ITPKA: variants seen among roughly 807,000 people sequenced by gnomAD.
ITPKA encodes the protein IP3 3-kinase A.
A neutral mutation model predicts 40.7 loss-of-function variants in ITPKA; 16 were observed. The ratio of observed to expected loss-of-function variants is 0.39; its 90% CI spans 0.27 to 0.60. The LOEUF (loss-of-function observed/expected upper bound fraction) is 0.60, where lower values mean the gene tolerates loss of function less well. ITPKA is among the 20% of genes least tolerant of loss of function. The probability of loss-of-function intolerance (pLI) is 0.50; values close to 1 mark genes in which losing one functional copy is unlikely to be tolerated. For synonymous variants in ITPKA, 313 were observed against 289.9 expected (o/e 1.08, Z -0.81); for missense variants, 540 against 649.3 (o/e 0.83, Z 1.83).
In ITPKA at chr15:41,503,462, C is replaced by T. The variant is rs988848347; in HGVS notation, c.*296C>T. ...CTCTGCCCTCTCCAGAGGTGCCAGA[C>T]CGCGGATTTTATTTAGCAAGCCCAG... On this transcript the variant is annotated 3_prime_UTR_variant, in exon 7 of 7. Coordinates refer to ENST00000260386, the MANE Select transcript of ITPKA (RefSeq NM_002220.3). The T allele has an allele frequency of 3.2e-5, 20 of 626,276 alleles. No individual in the cohort carries two copies. Among genetic ancestry groups the T allele is most frequent in the Admixed American group, 2.4e-4 (12 of 49,144 alleles). 38.8% of individuals were successfully genotyped at this position (626,276 alleles called of 1,614,324 possible).
At position 41,503,340 on chromosome 15, in the gene ITPKA, C is replaced by T. The variant is rs950437480; in HGVS notation, c.*174C>T. ...GCACCGCCGATGCCAGGGGTTTTGC[C>T]CACCCGGGCCCCAGCGTTCCCAGAG... On this transcript the variant is annotated 3_prime_UTR_variant, in exon 7 of 7. Transcript: ENST00000260386. The T allele has an allele frequency of 1.6e-6, 1 of 609,820 alleles. No individual in the cohort carries two copies. The highest frequency in any genetic ancestry group is 2.0e-5 in the South Asian group (1 of 50,236). 37.8% of individuals were successfully genotyped at this position (609,820 alleles called of 1,614,324 possible).
At position 41,493,889 on chromosome 15, in the gene ITPKA, G is replaced by A. The variant is rs1267034387; in HGVS notation, c.-39G>A. 2.0e-6 allele frequency: 2 copies of A among 998,020 alleles called. No homozygotes were observed. The highest frequency in any genetic ancestry group is 2.4e-6 in the Non-Finnish European group (2 of 839,758). 61.8% of individuals were successfully genotyped at this position (998,020 alleles called of 1,614,324 possible). On this transcript the variant is annotated 5_prime_UTR_variant, in exon 1 of 7. Transcript: ENST00000260386. The stretch of plus-strand genomic sequence containing the variant: ...GAGCCGCTCCAGTCCCCGGCGCGCC[G>A]CGGGCTGGTGGGCTCAGCGGCGGCG...
rs1460806521 is a variant in ITPKA at position 41,502,715 on chromosome 15, GCTC to G, written c.1111-69_1111-67del. 7 of 1,384,102 alleles carry G rather than the reference GCTC, an allele frequency of 5.1e-6. No individual in the cohort carries two copies. The African/African-American group carries it at 1.0e-4, about 20-fold the overall frequency. The allele number at this position is 1,384,102 out of a possible 1,614,324, so 85.7% of individuals were successfully genotyped here. On this transcript the variant is annotated intron_variant, in intron 5 of 6. Transcript: ENST00000260386. ...TTTGCCAAGCACAGCGTGGGTCCCGGCTCCTCATCGTTAGCAGGGGCTCATTTG... is the reference window on the plus strand; with the variant it reads ...TTTGCCAAGCACAGCGTGGGTCCCGGCTCATCGTTAGCAGGGGCTCATTTG...
intron 1 of ITPKA, among the ~76,000 whole-genome samples, chr15:41,497,687 G>A (rs986609924): frequency 6.6e-6 from 1 of 152,176 alleles, no homozygotes; most frequent in Non-Finnish European, 1.5e-5. Context: ...GCAACCTCAG[G>A]TGGTAGGACG....
At chr15:41,500,210 C>T (rs1459736436) in intron 1 of ITPKA, among the ~76,000 whole-genome samples, 1 of 152,232 alleles carries the variant, frequency 6.6e-6, no homozygotes, top group Non-Finnish European at 1.5e-5. Flanking sequence ...CCGCCCACCT[C>T]AGTCTCCCAA....
In ITPKA at chr15:41,503,256, C is replaced by T; in HGVS notation, c.*90C>T. The T allele has an allele frequency of 2.0e-6, 2 of 1,002,550 alleles. No individual in the cohort carries two copies. The highest frequency in any genetic ancestry group is 2.9e-6 in the Non-Finnish European group (2 of 690,258). The allele number at this position is 1,002,550 out of a possible 1,614,324, so 62.1% of individuals were successfully genotyped here. A position where few individuals can be genotyped will look rare whatever the true frequency, so the allele number is the denominator to read the frequency against. On this transcript the variant is annotated 3_prime_UTR_variant, in exon 7 of 7. Coordinates refer to ENST00000260386, the MANE Select transcript of ITPKA (RefSeq NM_002220.3). ...TGCATGCCGGCTTGAGACTGGAGCC[C>T]CGCGGTGCAGGGCAGTTCACCGGGT...
At position 41,501,532 on chromosome 15, in the gene ITPKA, G is replaced by A. The variant is rs759196254; in HGVS notation, c.559G>A (p.Ala187Thr). ...CATAAGCCCTTTCAAGAAGCGCTAC[G>A]CCTGGGTGCAGCTGGCAGGGCACAC... ...PVISPFKKRY[A>T]WVQLAGHTGS... is the part of the protein sequence containing the mutation. Residue 187 changes from alanine to threonine, a missense_variant, in exon 2 of 7, where the codon GCC becomes ACC. Ala to Thr is a moderately conservative substitution (Grantham distance 58). Transcript: ENST00000260386. 1 of 1,608,104 alleles carries A rather than the reference G, an allele frequency of 6.2e-7. No homozygotes were observed. Among genetic ancestry groups the A allele is most frequent in the South Asian group, 1.1e-5 (1 of 90,284 alleles).
In ITPKA at chr15:41,501,772, G is replaced by T; in HGVS notation, c.724G>T (p.Gly242Cys). 6.2e-7 allele frequency: 1 copy of T among 1,613,096 alleles called. No homozygotes were observed. The highest frequency in any genetic ancestry group is 8.5e-7 in the Non-Finnish European group (1 of 1,179,856). Reference sequence around the variant, plus strand: ...CTTCCACGGCGTGGTGGAGCGCGACGGCGAAAGCTACCTGCAGCTGCAGGA... The same window carrying T: ...CTTCCACGGCGTGGTGGAGCGCGACTGCGAAAGCTACCTGCAGCTGCAGGA... Reference protein sequence around the residue: ...PAFHGVVERDGESYLQLQDLL... With the variant: ...PAFHGVVERDCESYLQLQDLL... The change falls in exon 3 of 7, where the codon GGC becomes TGC. Residue 242 changes from glycine (G) to cysteine (C), a missense_variant. By Grantham distance (159) the Gly-to-Cys change is radical. Transcript: ENST00000260386.
chr15:41,500,573 G>A (rs1006153236), intron 1 of ITPKA, among the ~76,000 whole-genome samples: 25 of 152,186 alleles, frequency 1.6e-4, no homozygotes, highest in African/African-American at 5.5e-4. Context: ...GGAGCTGGGC[G>A]CCTATCATGC....
rs200037888 is a variant in ITPKA at position 41,501,456 on chromosome 15, C to G, written c.490-7C>G. Reference sequence around the variant, plus strand: ...CGATTATCAGACCTTGACCCTGTCGCTTTCAGAAAAACCACTGGCAGAAGA... The same window carrying G: ...CGATTATCAGACCTTGACCCTGTCGGTTTCAGAAAAACCACTGGCAGAAGA... On this transcript the variant is annotated splice_polypyrimidine_tract_variant and splice_region_variant and intron_variant, in intron 1 of 6. Transcript: ENST00000260386. 6.2e-7 allele frequency: 1 copy of G among 1,605,684 alleles called. No individual in the cohort carries two copies. The highest frequency in any genetic ancestry group is 8.5e-7 in the Non-Finnish European group (1 of 1,176,452).
intron 1 of ITPKA, among the ~76,000 whole-genome samples, chr15:41,498,412 A>C (rs2051088851): frequency 6.6e-6 from 1 of 151,918 alleles, no homozygotes; most frequent in African/African-American, 2.4e-5. Flanking sequence ...AGGTCAAGAG[A>C]GTAGGTGATG....
Position 41,493,940 on chromosome 15 carries a change from G to T in ITPKA, c.13G>T (p.Gly5Trp). 2 of 1,026,852 alleles carry T rather than the reference G, an allele frequency of 1.9e-6. No homozygotes were observed. The highest frequency in any genetic ancestry group is 9.0e-5 in the South Asian group (2 of 22,248). The allele number at this position is 1,026,852 out of a possible 1,614,324, so 63.6% of individuals were successfully genotyped here. MTLP[G>W]GPTGMARPGG... ...CCGGCACTGGGAAATGACCCTGCCC[G>T]GGGGCCCAACGGGCATGGCGCGGCC... Residue 5 changes from glycine to tryptophan, a missense_variant, in exon 1 of 7, where the codon GGG (glycine) becomes TGG (tryptophan). Transcript: ENST00000260386.
In ITPKA at chr15:41,502,456, G is replaced by C. The variant is rs772110668; in HGVS notation, c.1063G>C (p.Val355Leu). The change falls in exon 5 of 7, where the codon GTG becomes CTG. Residue 355 changes from valine (V) to leucine (L), a missense_variant. Transcript: ENST00000260386. ...DFKTTRSREQ[V>L]LRVFEEFVQG... ...CAAGACTACGCGAAGCCGAGAGCAG[G>C]TGCTTCGCGTCTTTGAAGAGTTTGT... 10 of 1,603,608 alleles carry C rather than the reference G, an allele frequency of 6.2e-6. No individual in the cohort carries two copies. The highest frequency in any genetic ancestry group is 7.7e-6 in the Non-Finnish European group (9 of 1,171,158).
rs1183489890 is a variant in ITPKA, at chr15:41,503,009, C to T, written c.1229C>T (p.Ala410Val). 2 of 1,608,422 alleles carry T rather than the reference C, an allele frequency of 1.2e-6. No individual in the cohort carries two copies. The highest frequency in any genetic ancestry group is 2.2e-5 in the South Asian group (2 of 90,724). Residue 410 changes from alanine (A) to valine (V), a missense_variant, in exon 7 of 7, where the codon GCC becomes GTC. Ala to Val is a moderately conservative substitution (Grantham distance 64). Transcript: ENST00000260386. ...TTTGTGCACGATCACTGCCATCGCG[C>T]CGGCGTGTGGCTCATCGACTTCGGC... ...LLFVHDHCHR[A>V]GVWLIDFGKT... is the part of the protein sequence containing the mutation.
chr15:41,500,098 C>T (rs2140675696), intron 1 of ITPKA, among the ~76,000 whole-genome samples: 1 of 152,230 alleles, frequency 6.6e-6, no homozygotes, highest in Admixed American at 6.5e-5. Context: ...GTAGCTGGGA[C>T]CACAGGCGCA....
intron 5 of ITPKA, 124 bp downstream of exon 5, chr15:41,502,627 G>A (rs1595451030): frequency 2.2e-6 from 2 of 923,588 alleles, no homozygotes; most frequent in East Asian, 2.6e-5. Flanking sequence ...GCTCGCAACT[G>A]CTCTACGCTC....
intron 1 of ITPKA, among the ~76,000 whole-genome samples, chr15:41,498,750 A>G (rs2051090753): frequency 6.6e-6 from 1 of 152,244 alleles, no homozygotes; most frequent in African/African-American, 2.4e-5. Flanking sequence ...CCCAGAAGTC[A>G]AAACTCAGAC....
chr15:41,502,202 G>A lies in ITPKA; in HGVS notation c.1008+1G>A. On this transcript the variant is annotated splice_donor_variant, in intron 4 of 6. Transcript: ENST00000260386. LOFTEE classifies it high-confidence loss of function. ...CGGCTTCCGCATCGAGGGCATCAAGGTGAGGCAGGCGCGCTTCGCTGGCAC... is the reference window on the plus strand; with the variant it reads ...CGGCTTCCGCATCGAGGGCATCAAGATGAGGCAGGCGCGCTTCGCTGGCAC... The A allele has an allele frequency of 6.4e-7, 1 of 1,569,466 alleles. No homozygotes were observed. The highest frequency in any genetic ancestry group is 8.6e-7 in the Non-Finnish European group (1 of 1,157,100).
intron 1 of ITPKA, among the ~76,000 whole-genome samples, chr15:41,499,406 T>C (rs1442189826): frequency 6.6e-6 from 1 of 152,126 alleles, no homozygotes; most frequent in Non-Finnish European, 1.5e-5. Context: ...CATTTGATGG[T>C]TCGTGTTACG....
Sources: gnomAD v4.1 joint callset for allele counts (sites outside exome capture counted in the v4.1 genomes callset) on GRCh38, gnomAD v4.1.1 for gene constraint, MANE v1.5 for transcripts, NCBI Gene and HGNC (gene_info 2026-07-23, HGNC 2026-07-21) for gene names.